The following ACOT12 variants were observed in gnomAD, a reference collection of about 807,000 sequenced individuals.
The protein encoded by ACOT12 is acyl-CoA thioesterase 12, also known as acetyl-coenzyme A thioesterase.
In ACOT12, 51 loss-of-function variants were observed where a neutral mutation model predicts 67.7. That is an observed-to-expected ratio of 0.75 (90% CI 0.60 to 0.95). The LOEUF (loss-of-function observed/expected upper bound fraction) is 0.95. Ranked by LOEUF, ACOT12 falls within the 40% of genes least tolerant of loss-of-function variation. The pLI, the probability that ACOT12 is intolerant of heterozygous loss-of-function variation, is 0.00. For missense variants in ACOT12, 734 were observed against 708.1 expected (o/e 1.04, Z -0.41); for synonymous variants, 251 against 244.6 (o/e 1.03, Z -0.24).
At chr5:81,324,069 G>A in the ACOT12 span, among the ~76,000 whole-genome samples, 1 of 151,874 alleles carries the variant, frequency 6.6e-6, no homozygotes, top group African/African-American at 2.4e-5. Flanking sequence ...AGCCTCCCAA[G>A]CAGCTGGGAT....
At chr5:81,308,773 G>C in the ACOT12 span, 1 of 1,551,076 alleles carries the variant, frequency 6.4e-7, no homozygotes, top group Non-Finnish European at 8.7e-7. Flanking sequence ...AGCACCTTGG[G>C]TATTTTTTTA....
intron 2 of ACOT12, 48 bp downstream of exon 2, chr5:81,385,709 T>G: frequency 6.3e-7 from 1 of 1,581,172 alleles, no homozygotes. Context: ...ATGTCCCAGA[T>G]GAACCCACAA....
At chr5:81,336,198 C>T (rs774122314) in intron 11 of ACOT12, among the ~76,000 whole-genome samples, 12 of 151,844 alleles carry the variant, frequency 7.9e-5, no homozygotes, top group Non-Finnish European at 1.5e-4. Flanking sequence ...GCCTTTCTCT[C>T]CTTGTCTCTT....
At chr5:81,347,152 T>C (rs1207236269) in intron 6 of ACOT12, among the ~76,000 whole-genome samples, 2 of 152,182 alleles carry the variant, frequency 1.3e-5, no homozygotes, top group Non-Finnish European at 2.9e-5. Context: ...TACTTACTTA[T>C]TTATAGAGAG....
At chr5:81,342,547 A>C (rs1358663498) in intron 11 of ACOT12, 125 bp downstream of exon 11, 7 of 961,694 alleles carry the variant, frequency 7.3e-6, no homozygotes, top group Non-Finnish European at 1.1e-5. Context: ...TGCGTCTTAG[A>C]AACAGTTTCC....
At chr5:81,388,283 G>A (rs1052936700) in intron 1 of ACOT12, among the ~76,000 whole-genome samples, 4 of 152,272 alleles carry the variant, frequency 2.6e-5, no homozygotes, top group African/African-American at 9.6e-5. Flanking sequence ...ATTTTCAAGG[G>A]TCATTAAACT....
chr5:81,353,274 G>A lies in ACOT12; in HGVS notation c.497-5344C>T, dbSNP rs957303637. Among the ~76,000 whole-genome samples, 4 of 152,118 alleles carry A rather than the reference G, an allele frequency of 2.6e-5. No individual in the cohort carries two copies. In the South Asian group the frequency reaches 8.3e-4, roughly 32 times the overall value. The stretch of plus-strand genomic sequence containing the variant: ...TTTGGTGCAGAAGTTTGCTTATTTG[G>A]AGTTAATTTACAACCAACGAAAAAA... On this transcript the variant is annotated intron_variant, in intron 5 of 14. Transcript: ENST00000307624.
At chr5:81,370,220 G>A (rs1180762595) in intron 3 of ACOT12, among the ~76,000 whole-genome samples, 1 of 152,134 alleles carries the variant, frequency 6.6e-6, no homozygotes, top group Non-Finnish European at 1.5e-5. Context: ...GTTGCCGTGA[G>A]CCGAGATCTT....
At chr5:81,332,418 T>C in intron 13 of ACOT12, 59 bp downstream of exon 13, 1 of 1,563,840 alleles carries the variant, frequency 6.4e-7, no homozygotes, top group Non-Finnish European at 8.7e-7. Context: ...CACATCAACT[T>C]TTAATTTCTA....
At chr5:81,331,205 G>A (rs746570759) in intron 13 of ACOT12, among the ~76,000 whole-genome samples, 7 of 152,160 alleles carry the variant, frequency 4.6e-5, no homozygotes, top group Non-Finnish European at 1.0e-4. Context: ...GTTTTATTGT[G>A]CCCGACAGGG....
intron 11 of ACOT12, among the ~76,000 whole-genome samples, chr5:81,342,026 T>C (rs552563583): frequency 6.6e-6 from 1 of 152,332 alleles, no homozygotes; most frequent in Admixed American, 6.5e-5. Context: ...AGTCTTGCTC[T>C]ATTGCCCAGA....
the ACOT12 span, chr5:81,312,542 A>T: frequency 6.2e-7 from 1 of 1,608,430 alleles, no homozygotes; most frequent in Non-Finnish European, 8.5e-7. Context: ...ATTCCTTTAC[A>T]GAGCGAATGG....
chr5:81,322,463 A>T, the ACOT12 span, among the ~76,000 whole-genome samples: 2 of 15,418 alleles, frequency 1.3e-4, no homozygotes, highest in Non-Finnish European at 2.1e-4. Context: ...GTCTCAAAAA[A>T]TAAACAAAAA....
At chr5:81,367,006 T>C (rs1025291387) in intron 3 of ACOT12, among the ~76,000 whole-genome samples, 1 of 152,150 alleles carries the variant, frequency 6.6e-6, no homozygotes, top group Admixed American at 6.5e-5. Flanking sequence ...AAATCCACAT[T>C]TCTTAGAAAC....
At chr5:81,342,474 T>G (rs74780495) in intron 11 of ACOT12, among the ~76,000 whole-genome samples, 198 bp downstream of exon 11, 4 of 152,088 alleles carry the variant, frequency 2.6e-5, no homozygotes, top group Non-Finnish European at 5.9e-5. Context: ...GGTAGGAGCA[T>G]GTTGGGTATA....
At chr5:81,324,586 T>C in the ACOT12 span, among the ~76,000 whole-genome samples, 2 of 152,112 alleles carry the variant, frequency 1.3e-5, no homozygotes, top group Non-Finnish European at 2.9e-5. Context: ...CACTGAGGAA[T>C]AGATATAGAG....
At chr5:81,371,678 T>C in intron 3 of ACOT12, 72 bp downstream of exon 3, 1 of 1,460,908 alleles carries the variant, frequency 6.8e-7, no homozygotes, top group Non-Finnish European at 9.6e-7. Flanking sequence ...AGTCTAGGCC[T>C]CCTGCTCTAC....
intron 2 of ACOT12, among the ~76,000 whole-genome samples, chr5:81,384,117 C>CTTTTTTTT (rs35675731): frequency 1.7e-5 from 2 of 118,724 alleles, no homozygotes; most frequent in Admixed American, 9.6e-5. Flanking sequence ...CATAGGTGTA[C>CTTTTTTTT]TTTTTTTTTT....
Position 81,382,071 on chromosome 5 carries a change from TATC to T in ACOT12, c.197+3683_197+3685del, listed in dbSNP as rs549783568. Among the ~76,000 whole-genome samples the T allele has an allele frequency of 7.2e-4, 109 of 152,324 alleles. 1 individual carries two copies. The East Asian group carries it at 0.017, about 23-fold the overall frequency. On this transcript the variant is annotated intron_variant, in intron 2 of 14. Coordinates refer to ENST00000307624, the MANE Select transcript of ACOT12 (RefSeq NM_130767.3). ...AATCAAATAAGTTTATGTCTTTAAA[TATC>T]ATGATATTCAGCATAAAATAAAATT...
Sources: gnomAD v4.1 joint callset for allele counts (sites outside exome capture counted in the v4.1 genomes callset) on GRCh38, gnomAD v4.1.1 for gene constraint, MANE v1.5 for transcripts, NCBI Gene and HGNC (gene_info 2026-07-23, HGNC 2026-07-21) for gene names.